The following SNX7 variants were observed in gnomAD, a reference collection of about 807,000 sequenced individuals.
The protein encoded by SNX7 is sorting nexin-7.
In SNX7, 35 loss-of-function variants were observed where a neutral mutation model predicts 48.4. That is an observed-to-expected ratio of 0.72 (90% CI 0.55 to 0.96). The LOEUF (loss-of-function observed/expected upper bound fraction) is 0.96. Ranked by LOEUF, SNX7 falls within the 40% of genes least tolerant of loss-of-function variation. The probability of loss-of-function intolerance (pLI) is 0.00; values close to 1 mark genes in which losing one functional copy is unlikely to be tolerated. For missense variants in SNX7, 553 were observed against 548.9 expected (o/e 1.01, Z -0.07); for synonymous variants, 190 against 190.2 (o/e 1.00, Z 0.01).
At chr1:98,681,589 A>G (rs1650492179) in intron 1 of SNX7, among the ~76,000 whole-genome samples, 1 of 152,238 alleles carries the variant, frequency 6.6e-6, no homozygotes, top group Admixed American at 6.5e-5. Flanking sequence ...TTTGAGAGAA[A>G]GGAAACATTG....
At chr1:98,751,564 C>T (rs1654582298) in intron 8 of SNX7, among the ~76,000 whole-genome samples, 1 of 152,024 alleles carries the variant, frequency 6.6e-6, no homozygotes. Flanking sequence ...CAACTGCAGC[C>T]ACCTGGGGGA....
In SNX7 at chr1:98,691,701, T is replaced by A. The variant is rs771191661; in HGVS notation, c.639+2T>A. The A allele has an allele frequency of 1.3e-6, 2 of 1,592,376 alleles. No individual in the cohort carries two copies. The highest frequency in any genetic ancestry group is 1.7e-6 in the Non-Finnish European group (2 of 1,170,580). ...ATTTTTCTCACTGCACAAGCTTGGGTAAATGATTTTTATTTATACTCATAT... is the reference window on the plus strand; with the variant it reads ...ATTTTTCTCACTGCACAAGCTTGGGAAAATGATTTTTATTTATACTCATAT... On this transcript the variant is annotated splice_donor_variant, in intron 4 of 8. Transcript: ENST00000306121. LOFTEE classifies it high-confidence loss of function.
intron 3 of SNX7, 91 bp downstream of exon 3, chr1:98,691,276 G>A (rs961871431): frequency 3.0e-6 from 2 of 675,204 alleles, no homozygotes; most frequent in South Asian, 2.5e-5. Context: ...CAGACCTTAA[G>A]TTCACTGTAA....
chr1:98,687,399 A>T (rs563143726), intron 2 of SNX7, among the ~76,000 whole-genome samples: 46 of 152,238 alleles, frequency 3.0e-4, no homozygotes, highest in African/African-American at 8.9e-4. Flanking sequence ...ACTATTTCAT[A>T]GTATATAGAC....
intron 1 of SNX7, among the ~76,000 whole-genome samples, chr1:98,683,570 C>A (rs1325029431): frequency 6.6e-6 from 1 of 152,056 alleles, no homozygotes; most frequent in Non-Finnish European, 1.5e-5. Flanking sequence ...AGACCCTCCC[C>A]CCTTTTACCA....
At chr1:98,743,951 G>A (rs1323496628) in intron 8 of SNX7, among the ~76,000 whole-genome samples, 2 of 152,018 alleles carry the variant, frequency 1.3e-5, no homozygotes, top group Non-Finnish European at 2.9e-5. Context: ...GATTTGGATG[G>A]ATGGCATTTA....
At chr1:98,668,443 G>A (rs1649662105) in intron 1 of SNX7, among the ~76,000 whole-genome samples, 2 of 152,320 alleles carry the variant, frequency 1.3e-5, no homozygotes, top group African/African-American at 4.8e-5. Context: ...AGATGCCAGT[G>A]CCTTGTTATG....
intron 7 of SNX7, among the ~76,000 whole-genome samples, chr1:98,704,796 G>A (rs989569256): frequency 1.3e-5 from 2 of 152,158 alleles, no homozygotes; most frequent in Non-Finnish European, 2.9e-5. Context: ...CTCCATCAAA[G>A]TCACCTTTGG....
intron 1 of SNX7, among the ~76,000 whole-genome samples, chr1:98,667,322 C>T (rs1649588258): frequency 6.6e-6 from 1 of 152,086 alleles, no homozygotes; most frequent in East Asian, 1.9e-4. Flanking sequence ...CTCCATTAGT[C>T]ATTGTAAGTA....
intron 8 of SNX7, among the ~76,000 whole-genome samples, chr1:98,759,789 C>A (rs777885270): frequency 6.6e-6 from 1 of 152,054 alleles, no homozygotes; most frequent in Non-Finnish European, 1.5e-5. Context: ...TCTTATTTTT[C>A]TCTTAATATG....
intron 7 of SNX7, among the ~76,000 whole-genome samples, chr1:98,721,233 G>A (rs1002306284): frequency 6.6e-6 from 1 of 152,044 alleles, no homozygotes; most frequent in Non-Finnish European, 1.5e-5. Context: ...ATGCTGAACC[G>A]GTAGGTGTAG....
At position 98,661,803 on chromosome 1, in the gene SNX7, C is replaced by T. The variant is rs1649236097; in HGVS notation, c.72C>T (p.Ser24=). 2 of 1,244,798 alleles carry T rather than the reference C, an allele frequency of 1.6e-6. No individual in the cohort carries two copies. The highest frequency in any genetic ancestry group is 1.6e-5 in the African/African-American group (1 of 64,298). 77.1% of individuals were successfully genotyped at this position (1,244,798 alleles called of 1,614,324 possible). A position where few individuals can be genotyped will look rare whatever the true frequency, so the allele number is the denominator to read the frequency against. Residue 24 remains serine, a synonymous_variant, in exon 1 of 9, where the codon AGC becomes AGT. Transcript: ENST00000306121. The part of the protein sequence containing the change: ...GLPAGGANGE[S]PGGGAPFPGS... Reference sequence around the variant, plus strand: ...CGGCCGGGGGCGCCAACGGGGAGAGCCCGGGGGGCGGCGCCCCCTTTCCGG... The same window carrying T: ...CGGCCGGGGGCGCCAACGGGGAGAGTCCGGGGGGCGGCGCCCCCTTTCCGG...
intron 7 of SNX7, among the ~76,000 whole-genome samples, chr1:98,729,531 A>G (rs1391781350): frequency 2.0e-5 from 3 of 151,776 alleles, no homozygotes; most frequent in African/African-American, 7.3e-5. Flanking sequence ...AGTAATGAAG[A>G]AAAGAGAGAA....
chr1:98,662,785 C>T, intron 1 of SNX7: 3 of 1,289,336 alleles, frequency 2.3e-6, no homozygotes, highest in Non-Finnish European at 3.0e-6. Flanking sequence ...ACTAAGAAGC[C>T]TGTTCATTTT....
intron 7 of SNX7, among the ~76,000 whole-genome samples, chr1:98,712,829 C>T (rs1652383221): frequency 6.6e-6 from 1 of 152,008 alleles, no homozygotes; most frequent in Non-Finnish European, 1.5e-5. Context: ...CAGTGGCTCA[C>T]ACCTGTAATC....
intron 8 of SNX7, among the ~76,000 whole-genome samples, chr1:98,754,597 G>A (rs1192567766): frequency 2.6e-5 from 4 of 151,960 alleles, no homozygotes; most frequent in African/African-American, 9.7e-5. Context: ...ACTGTCAAAT[G>A]TATAGGCATA....
rs970737118 is a variant in SNX7, at chr1:98,756,965, G to A, written c.1279-3089G>A. ...TGGTGGATCCCTTATGTATGTCTTGGACCATCCCTTTGGTGATAAGTGAGT... is the reference window on the plus strand; with the variant it reads ...TGGTGGATCCCTTATGTATGTCTTGAACCATCCCTTTGGTGATAAGTGAGT... On this transcript the variant is annotated intron_variant, in intron 8 of 8. Transcript: ENST00000306121. Among the ~76,000 whole-genome samples the A allele has an allele frequency of 3.3e-5, 5 of 152,160 alleles. No homozygotes were observed. The South Asian group carries it at 1.0e-3, about 32-fold the overall frequency.
rs1251925122 is a variant in SNX7 at position 98,667,912 on chromosome 1, AAAAAAAAC to A, written c.180+6009_180+6016del. 4.2e-4 allele frequency among the ~76,000 whole-genome samples: 63 copies of A among 151,772 alleles called. 1 individual carries two copies. In the South Asian group the frequency reaches 5.2e-3, roughly 13 times the overall value. ...GCCTTACCATTTTGATGATTAGGAA[AAAAAAAAC>A]AAAAAAAACAAAACAAACAAACAAA... On this transcript the variant is annotated intron_variant, in intron 1 of 8. Transcript: ENST00000306121.
chr1:98,716,422 C>T (rs966421826), intron 7 of SNX7, among the ~76,000 whole-genome samples: 1 of 152,158 alleles, frequency 6.6e-6, no homozygotes, highest in Non-Finnish European at 1.5e-5. Context: ...GGACATTAGT[C>T]TTGTTCTACC....
Sources: allele counts gnomAD v4.1 joint callset (sites outside exome capture counted in the v4.1 genomes callset), GRCh38; gene constraint gnomAD v4.1.1; transcripts MANE v1.5; gene names NCBI Gene and HGNC (gene_info 2026-07-23, HGNC 2026-07-21).